CACNA1A: variants seen among roughly 807,000 people sequenced by gnomAD.
The protein encoded by CACNA1A is voltage-dependent P/Q-type calcium channel subunit alpha-1A.
Under a neutral mutation model 262.4 loss-of-function variants are expected in CACNA1A, and 57 were observed. The ratio of observed to expected loss-of-function variants is 0.22; its 90% CI spans 0.18 to 0.27. The LOEUF (loss-of-function observed/expected upper bound fraction) is 0.27, where lower values mean the gene tolerates loss of function less well. Among genes scored for constraint, CACNA1A ranks in the 10% least tolerant of loss-of-function variants. The pLI is 1.00. For missense variants in CACNA1A, 2,526 were observed against 3,562.8 expected (o/e 0.71, Z 7.41); for synonymous variants, 1,431 against 1,419.3 (o/e 1.01, Z -0.18).
At chr19:13,501,064 T>G (rs926304859) in intron 1 of CACNA1A, among the ~76,000 whole-genome samples, 2 of 152,032 alleles carry the variant, frequency 1.3e-5, no homozygotes, top group African/African-American at 4.8e-5. Flanking sequence ...TGTGGGGGTA[T>G]TTTAGGGTTG....
At chr19:13,492,231 C>T (rs1190416716) in intron 1 of CACNA1A, among the ~76,000 whole-genome samples, 1 of 152,106 alleles carries the variant, frequency 6.6e-6, no homozygotes, top group Non-Finnish European at 1.5e-5. Flanking sequence ...TGCTCAATCC[C>T]TCAAAGACAT....
At chr19:13,290,394 C>G (rs1017468420) in intron 19 of CACNA1A, among the ~76,000 whole-genome samples, 2 of 127,304 alleles carry the variant, frequency 1.6e-5, no homozygotes, top group East Asian at 2.4e-4. Context: ...GTGTGTGTGT[C>G]TGTGTGTGTC....
At chr19:13,385,865 AAAG>A (rs1334028965) in intron 3 of CACNA1A, among the ~76,000 whole-genome samples, 1 of 152,084 alleles carries the variant, frequency 6.6e-6, no homozygotes, top group Non-Finnish European at 1.5e-5. Flanking sequence ...CTCAGTATTT[AAAG>A]AAGAGAGTCC....
intron 8 of CACNA1A, among the ~76,000 whole-genome samples, chr19:13,333,368 A>G (rs2058498886): frequency 1.3e-5 from 2 of 151,824 alleles, no homozygotes; most frequent in South Asian, 4.2e-4. Flanking sequence ...CACGTCCTTC[A>G]GGTCTCTCTG....
chr19:13,280,188 TTTA>T (rs888788165), intron 22 of CACNA1A, among the ~76,000 whole-genome samples: 3 of 145,956 alleles, frequency 2.1e-5, no homozygotes, highest in African/African-American at 5.1e-5. Flanking sequence ...GGAATTCTTA[TTTA>T]TTGAGACAGG....
At chr19:13,487,886 G>A (rs1423666304) in intron 1 of CACNA1A, among the ~76,000 whole-genome samples, 5 of 151,458 alleles carry the variant, frequency 3.3e-5, no homozygotes, top group Non-Finnish European at 7.4e-5. Context: ...GTTCACTGCA[G>A]CCTTGAACTC....
intron 32 of CACNA1A, among the ~76,000 whole-genome samples, 169 bp downstream of exon 32, chr19:13,235,445 G>A (rs561174511): frequency 6.6e-6 from 1 of 152,160 alleles, no homozygotes; most frequent in Non-Finnish European, 1.5e-5. Flanking sequence ...GGCCCTTACA[G>A]CTCTGAAGAC....
chr19:13,379,971 G>T (rs2059488012), intron 3 of CACNA1A, among the ~76,000 whole-genome samples: 1 of 129,072 alleles, frequency 7.7e-6, no homozygotes, highest in Non-Finnish European at 1.6e-5. Flanking sequence ...CTGCCCAGGA[G>T]AAATCTATTA....
chr19:13,349,046 AGG>A (rs989692297), intron 6 of CACNA1A, among the ~76,000 whole-genome samples: 1 of 145,310 alleles, frequency 6.9e-6, no homozygotes, highest in Non-Finnish European at 1.5e-5. Flanking sequence ...AAAGAGAGAG[AGG>A]GAAAAAGAAA....
At chr19:13,334,315 A>G in intron 8 of CACNA1A, 63 bp downstream of exon 8, 2 of 903,140 alleles carry the variant, frequency 2.2e-6, no homozygotes, top group South Asian at 2.6e-5. Context: ...AAACTGCATG[A>G]CTCTCTTTGT....
chr19:13,440,787 A>G (rs1465271258), intron 3 of CACNA1A, among the ~76,000 whole-genome samples: 1 of 152,092 alleles, frequency 6.6e-6, no homozygotes, highest in Non-Finnish European at 1.5e-5. Flanking sequence ...CAACTCCATA[A>G]GGTGGTAGTA....
intron 2 of CACNA1A, 34 bp downstream of exon 2, chr19:13,455,073 C>T (rs1368544750): frequency 7.4e-7 from 1 of 1,348,840 alleles, no homozygotes; most frequent in Admixed American, 1.7e-5. Context: ...CTGCTAAAGC[C>T]AAGGAGAAGA....
chr19:13,477,650 G>C (rs1978714764), intron 1 of CACNA1A, among the ~76,000 whole-genome samples: 1 of 152,314 alleles, frequency 6.6e-6, no homozygotes, highest in South Asian at 2.1e-4. Context: ...GGCTGGGGAT[G>C]CAACAGAAGA....
intron 17 of CACNA1A, among the ~76,000 whole-genome samples, chr19:13,301,623 C>T (rs1266670150): frequency 6.6e-6 from 1 of 152,206 alleles, no homozygotes; most frequent in Non-Finnish European, 1.5e-5. Flanking sequence ...ACTTTAAATC[C>T]TTCTTCAGCC....
chr19:13,390,709 A>C (rs562443652), intron 3 of CACNA1A, among the ~76,000 whole-genome samples: 1 of 152,224 alleles, frequency 6.6e-6, no homozygotes, highest in African/African-American at 2.4e-5. Context: ...TTCCTATTCT[A>C]AATGATTTAT....
intron 3 of CACNA1A, among the ~76,000 whole-genome samples, chr19:13,440,257 C>G (rs1315813090): frequency 2.0e-5 from 3 of 152,298 alleles, no homozygotes; most frequent in East Asian, 1.9e-4. Context: ...AGCCACTGCG[C>G]CTGGCCCTGG....
intron 31 of CACNA1A, chr19:13,244,850 G>A: frequency 3.4e-6 from 1 of 291,770 alleles, no homozygotes. Context: ...GTGGTGTTTG[G>A]GAGCCGGCTC....
At chr19:13,269,328 G>A (rs1359981138) in intron 24 of CACNA1A, among the ~76,000 whole-genome samples, 1 of 152,250 alleles carries the variant, frequency 6.6e-6, no homozygotes, top group Non-Finnish European at 1.5e-5. Flanking sequence ...GAGAAAAAGA[G>A]TGACCTGCCC....
At chr19:13,337,023 C>G (rs1055395507) in intron 6 of CACNA1A, among the ~76,000 whole-genome samples, 10 of 152,220 alleles carry the variant, frequency 6.6e-5, no homozygotes, top group Admixed American at 5.2e-4. Flanking sequence ...ATGTATGACA[C>G]TGCTGCTGCC....
Sources: allele counts gnomAD v4.1 joint callset (sites outside exome capture counted in the v4.1 genomes callset), GRCh38; gene constraint gnomAD v4.1.1; transcripts MANE v1.5; gene names NCBI Gene and HGNC (gene_info 2026-07-23, HGNC 2026-07-21).